TCERG1L: variants seen among roughly 807,000 people sequenced by gnomAD.
The protein encoded by TCERG1L is transcription elongation regulator 1 like.
TCERG1L carries 37 observed loss-of-function variants against 56.3 expected under a neutral mutation model. That is an observed-to-expected ratio of 0.66 (90% CI 0.51 to 0.87). The LOEUF (loss-of-function observed/expected upper bound fraction) is 0.87. Ranked by LOEUF, TCERG1L falls within the 40% of genes least tolerant of loss-of-function variation. The pLI is 0.00. For missense variants in TCERG1L, 799 were observed against 774.2 expected (o/e 1.03, Z -0.38); for synonymous variants, 324 against 326.3 (o/e 0.99, Z 0.08).
At chr10:131,310,630 CTTTTT>C (rs1249437411) in intron 1 of TCERG1L, among the ~76,000 whole-genome samples, 1 of 152,182 alleles carries the variant, frequency 6.6e-6, no homozygotes, top group Non-Finnish European at 1.5e-5. Context: ...GTCACTTTTT[CTTTTT>C]AATCCCATGT....
chr10:131,290,646 A>C (rs1452940179), intron 3 of TCERG1L, among the ~76,000 whole-genome samples: 2 of 151,972 alleles, frequency 1.3e-5, no homozygotes, highest in African/African-American at 2.4e-5. Context: ...AAAAAAAAAA[A>C]AAAAAACCTT....
At chr10:131,223,439 C>G (rs1164121325) in intron 4 of TCERG1L, among the ~76,000 whole-genome samples, 1 of 152,214 alleles carries the variant, frequency 6.6e-6, no homozygotes, top group African/African-American at 2.4e-5. Context: ...TAGATGCCGA[C>G]CCATCCTGAT....
chr10:131,231,950 T>C (rs1027434239), intron 4 of TCERG1L, among the ~76,000 whole-genome samples: 2 of 152,086 alleles, frequency 1.3e-5, no homozygotes, highest in Non-Finnish European at 2.9e-5. Context: ...CCGTAGGAAG[T>C]TGAGGAAGCT....
At chr10:131,206,693 C>T (rs1465251392) in intron 4 of TCERG1L, among the ~76,000 whole-genome samples, 1 of 152,128 alleles carries the variant, frequency 6.6e-6, no homozygotes, top group African/African-American at 2.4e-5. Context: ...CCTCCTGGAG[C>T]CCAGAAGTAG....
intron 9 of TCERG1L, among the ~76,000 whole-genome samples, chr10:131,105,715 G>T (rs888905072): frequency 4.0e-5 from 6 of 151,718 alleles, no homozygotes; most frequent in African/African-American, 7.3e-5. Flanking sequence ...TGTTCCGGAG[G>T]GGGGTGGGAA....
At chr10:131,184,163 G>A (rs1266248226) in intron 4 of TCERG1L, among the ~76,000 whole-genome samples, 2 of 152,230 alleles carry the variant, frequency 1.3e-5, no homozygotes. Flanking sequence ...CACTTGGAGT[G>A]TGCACTAAGC....
intron 9 of TCERG1L, among the ~76,000 whole-genome samples, chr10:131,110,307 C>A (rs1479730373): frequency 6.6e-6 from 1 of 152,214 alleles, no homozygotes; most frequent in East Asian, 1.9e-4. Flanking sequence ...TCCTCCCTGC[C>A]GTGTCACCTC....
intron 4 of TCERG1L, among the ~76,000 whole-genome samples, chr10:131,196,072 C>G (rs7084141): frequency 6.6e-6 from 1 of 152,106 alleles, no homozygotes; most frequent in Non-Finnish European, 1.5e-5. Context: ...AGCAGCCCCA[C>G]TGAATGTCAG....
chr10:131,176,959 C>A, intron 4 of TCERG1L, among the ~76,000 whole-genome samples: 1 of 4,292 alleles, frequency 2.3e-4, no homozygotes, highest in Admixed American at 2.6e-3. Context: ...GACACGTGTA[C>A]ACACAGAGAC....
At chr10:131,119,182 C>T (rs1393176665) in intron 8 of TCERG1L, among the ~76,000 whole-genome samples, 1 of 152,122 alleles carries the variant, frequency 6.6e-6, no homozygotes, top group Non-Finnish European at 1.5e-5. Context: ...GTCCAAGGTC[C>T]TGGGAAATTC....
At chr10:131,179,765 G>A (rs1845151024) in intron 4 of TCERG1L, among the ~76,000 whole-genome samples, 1 of 152,198 alleles carries the variant, frequency 6.6e-6, no homozygotes, top group African/African-American at 2.4e-5. Context: ...GCAGCTGCAT[G>A]CGTCGCTGAC....
rs531577603 is a variant in TCERG1L at position 131,225,969 on chromosome 10, AC to A, written c.856+34289del. ...TACGTATTTATTTGAACAGGGTCTC[AC>A]GCTGTCATCCAGGCTACAGTGCAGT... On this transcript the variant is annotated intron_variant, in intron 4 of 11. Transcript: ENST00000368642. Among the ~76,000 whole-genome samples the A allele has an allele frequency of 1.4e-4, 22 of 152,346 alleles. No homozygotes were observed. In the East Asian group the frequency reaches 4.0e-3, roughly 28 times the overall value.
At chr10:131,252,271 G>T (rs1485931980) in intron 4 of TCERG1L, among the ~76,000 whole-genome samples, 7 of 152,256 alleles carry the variant, frequency 4.6e-5, no homozygotes. Context: ...TGAGTCACAT[G>T]GTAATACTAT....
At chr10:131,279,773 C>T (rs565107494) in intron 3 of TCERG1L, among the ~76,000 whole-genome samples, 1 of 152,276 alleles carries the variant, frequency 6.6e-6, no homozygotes, top group Admixed American at 6.5e-5. Context: ...GGAAACGCTT[C>T]CGGGCTTTGG....
intron 4 of TCERG1L, among the ~76,000 whole-genome samples, chr10:131,249,025 G>A (rs990733237): frequency 3.3e-5 from 5 of 152,156 alleles, no homozygotes; most frequent in African/African-American, 1.2e-4. Context: ...CTCTGACTTG[G>A]GGCACTGAAT....
intron 4 of TCERG1L, among the ~76,000 whole-genome samples, chr10:131,210,452 T>A (rs1402051323): frequency 6.6e-6 from 1 of 152,180 alleles, no homozygotes; most frequent in Non-Finnish European, 1.5e-5. Flanking sequence ...AAAGACCCTC[T>A]GGCAGGGAGA....
chr10:131,272,181 CCA>C, intron 3 of TCERG1L, among the ~76,000 whole-genome samples: 1 of 152,240 alleles, frequency 6.6e-6, no homozygotes, highest in South Asian at 2.1e-4. Context: ...TCTTGCGCCT[CCA>C]CACACAGCTC....
chr10:131,196,842 T>C (rs1315515121), intron 4 of TCERG1L, among the ~76,000 whole-genome samples: 6 of 152,332 alleles, frequency 3.9e-5, no homozygotes, highest in African/African-American at 1.2e-4. Flanking sequence ...TTAGTACAAA[T>C]TGATACCGTA....
At chr10:131,309,067 T>G (rs1297532493) in intron 2 of TCERG1L, 86 bp downstream of exon 2, 1 of 1,476,790 alleles carries the variant, frequency 6.8e-7, no homozygotes, top group East Asian at 2.4e-5. Flanking sequence ...AACAAGAAAA[T>G]ACATGGGTAT....
Sources: gnomAD v4.1 joint callset for allele counts (sites outside exome capture counted in the v4.1 genomes callset) on GRCh38, gnomAD v4.1.1 for gene constraint, MANE v1.5 for transcripts, NCBI Gene and HGNC (gene_info 2026-07-23, HGNC 2026-07-21) for gene names.